The following ARHGAP6 variants were observed in gnomAD, a reference collection of about 807,000 sequenced individuals.
The protein encoded by ARHGAP6 is rho GTPase-activating protein 6.
In ARHGAP6, 16 loss-of-function variants were observed where a neutral mutation model predicts 55.7. That is an observed-to-expected ratio of 0.29 (90% CI 0.19 to 0.44). The LOEUF is 0.44. Among genes scored for constraint, ARHGAP6 ranks in the 20% least tolerant of loss-of-function variants. ARHGAP6 has a pLI of 1.00. For synonymous variants in ARHGAP6, 382 were observed against 360.9 expected (o/e 1.06, Z -0.66); for missense variants, 698 against 808.9 (o/e 0.86, Z 1.66).
intron 1 of ARHGAP6, among the ~76,000 whole-genome samples, chrX:11,533,604 T>C (rs2051074526): frequency 8.9e-6 from 1 of 112,603 alleles, no homozygotes; most frequent in Non-Finnish European, 1.9e-5. Flanking sequence ...TGTATCTTCC[T>C]ATCAAATTCC....
At chrX:11,613,585 C>T (rs868344344) in intron 1 of ARHGAP6, among the ~76,000 whole-genome samples, 1 of 112,063 alleles carries the variant, frequency 8.9e-6, no homozygotes, top group Non-Finnish European at 1.9e-5. Flanking sequence ...TCTGACAGAG[C>T]TTTTTAACAG....
chrX:11,564,392 T>C (rs940337220), intron 1 of ARHGAP6, among the ~76,000 whole-genome samples: 1 of 111,271 alleles, frequency 9.0e-6, no homozygotes, highest in East Asian at 2.8e-4. Flanking sequence ...TCAAAGTTAG[T>C]ACCTCAGTTT....
At chrX:11,521,397 C>G (rs1461884604) in intron 1 of ARHGAP6, among the ~76,000 whole-genome samples, 1 of 112,219 alleles carries the variant, frequency 8.9e-6, no homozygotes, top group African/African-American at 3.2e-5. Context: ...TTTCCCAGCA[C>G]CATTTGTTGA....
chrX:11,616,429 A>T (rs2052165222), intron 1 of ARHGAP6, among the ~76,000 whole-genome samples: 1 of 111,034 alleles, frequency 9.0e-6, no homozygotes, highest in African/African-American at 3.3e-5. Flanking sequence ...CAGTTCAAGC[A>T]ATTCTTCTGC....
chrX:11,615,648 A>G (rs1410333840), intron 1 of ARHGAP6, among the ~76,000 whole-genome samples: 1 of 112,363 alleles, frequency 8.9e-6, no homozygotes, highest in Non-Finnish European at 1.9e-5. Flanking sequence ...TAGTCCAATC[A>G]TTATAAATAG....
In ARHGAP6 at chrX:11,406,945, G is replaced by GA. The variant is rs2049617250; in HGVS notation, c.589-152239_589-152238insT. On this transcript the variant is annotated intron_variant, in intron 1 of 12. Transcript: ENST00000337414. ...CAGTGGAATAGACCATGCATGTCTA[G>GA]CATTGCTTGGCTTTCTTGGTTCATT... 2.7e-5 allele frequency among the ~76,000 whole-genome samples: 3 copies of GA among 110,070 alleles called. No homozygotes were observed. The South Asian group carries it at 1.2e-3, about 43-fold the overall frequency.
intron 1 of ARHGAP6, among the ~76,000 whole-genome samples, chrX:11,443,404 G>A (rs764158840): frequency 1.8e-4 from 20 of 111,926 alleles, no homozygotes; most frequent in Admixed American, 6.6e-4. Flanking sequence ...TCTGTTGGGC[G>A]TATACCTGAG....
chrX:11,629,417 T>C (rs1337307597), intron 1 of ARHGAP6, among the ~76,000 whole-genome samples: 1 of 111,509 alleles, frequency 9.0e-6, no homozygotes, highest in Non-Finnish European at 1.9e-5. Flanking sequence ...CATTTATGCA[T>C]TCATTCATTA....
At chrX:11,587,742 T>C (rs965640370) in intron 1 of ARHGAP6, among the ~76,000 whole-genome samples, 3 of 112,152 alleles carry the variant, frequency 2.7e-5, no homozygotes, top group Admixed American at 9.5e-5. Flanking sequence ...ACATATGCTG[T>C]TCAGGGGCTG....
chrX:11,531,425 C>T (rs773964353), intron 1 of ARHGAP6, among the ~76,000 whole-genome samples: 17 of 110,922 alleles, frequency 1.5e-4, no homozygotes, highest in Admixed American at 6.7e-4. Context: ...GGACTGGCTG[C>T]CCTCTCCTGG....
rs2050636004 is a variant in ARHGAP6, at chrX:11,497,559, T to TTCTCTCTCTGTC, written c.588+166681_588+166682insGACAGAGAGAGA. Among the ~76,000 whole-genome samples the TTCTCTCTCTGTC allele has an allele frequency of 9.7e-5, 4 of 41,144 alleles. No homozygotes were observed. In the South Asian group the frequency reaches 8.0e-3, roughly 82 times the overall value. The allele number at this position is 41,144 out of a possible 115,157, so 35.7% of individuals were successfully genotyped here. ...CTCCCACCCCCTTCCCCCTCCCTCC[T>TTCTCTCTCTGTC]TCTCTCTCTCTCTCTCTCTCTCTCT... On this transcript the variant is annotated intron_variant, in intron 1 of 12. Transcript: ENST00000337414.
intron 1 of ARHGAP6, among the ~76,000 whole-genome samples, chrX:11,414,593 A>T (rs2049726215): frequency 9.1e-6 from 1 of 110,438 alleles, no homozygotes; most frequent in South Asian, 3.9e-4. Context: ...TCAAGTTGAT[A>T]TAATAGAGGA....
chrX:11,292,138 C>T lies in ARHGAP6; in HGVS notation c.589-37431G>A, dbSNP rs769158903. Among the ~76,000 whole-genome samples the T allele has an allele frequency of 5.4e-5, 6 of 111,848 alleles. No individual in the cohort carries two copies. The East Asian group carries it at 1.1e-3, about 21-fold the overall frequency. On this transcript the variant is annotated intron_variant, in intron 1 of 12. Transcript: ENST00000337414. Reference sequence around the variant, plus strand: ...ACAGGCTAAGTAATTTGTATATATACGTATAAACATATGTATATATACAAA... The same window carrying T: ...ACAGGCTAAGTAATTTGTATATATATGTATAAACATATGTATATATACAAA...
At chrX:11,167,122 C>A (rs1439747581) in intron 9 of ARHGAP6, among the ~76,000 whole-genome samples, 1 of 112,026 alleles carries the variant, frequency 8.9e-6, no homozygotes, top group Non-Finnish European at 1.9e-5. Context: ...TTCATTAATT[C>A]AACCAATATT....
chrX:11,207,997 C>T lies in ARHGAP6; in HGVS notation c.749-11001G>A, dbSNP rs145764518. Among the ~76,000 whole-genome samples the T allele has an allele frequency of 3.3e-3, 366 of 111,280 alleles. 2 individuals carry two copies. Among genetic ancestry groups the T allele is most frequent in the African/African-American group, 0.012 (356 of 30,588 alleles). ...AATAGTCATCAATTCCCAATGTTAT[C>T]GATACATTAGAAAGGGGCTTTGATT... On this transcript the variant is annotated intron_variant, in intron 2 of 12. Coordinates refer to ENST00000337414, the MANE Select transcript of ARHGAP6 (RefSeq NM_013427.3).
intron 1 of ARHGAP6, among the ~76,000 whole-genome samples, chrX:11,586,855 G>A: frequency 9.0e-6 from 1 of 111,528 alleles, no homozygotes; most frequent in Non-Finnish European, 1.9e-5. Flanking sequence ...TTGGATCACT[G>A]GTTTATAGTT....
intron 1 of ARHGAP6, among the ~76,000 whole-genome samples, chrX:11,444,160 A>G (rs1250211874): frequency 8.9e-6 from 1 of 112,043 alleles, no homozygotes; most frequent in Non-Finnish European, 1.9e-5. Flanking sequence ...GGTCATATAT[A>G]CAGTCTGTGT....
chrX:11,630,626 T>C (rs1240011705), intron 1 of ARHGAP6, among the ~76,000 whole-genome samples: 1 of 111,690 alleles, frequency 9.0e-6, no homozygotes, highest in Non-Finnish European at 1.9e-5. Flanking sequence ...AAAGGATGGA[T>C]GGATGGATGG....
chrX:11,170,156 G>C (rs750008841), intron 8 of ARHGAP6, among the ~76,000 whole-genome samples: 2 of 110,928 alleles, frequency 1.8e-5, no homozygotes, highest in Non-Finnish European at 3.8e-5. Context: ...TATTTTAAAG[G>C]TCTCTCATTC....
Sources: allele counts gnomAD v4.1 joint callset (sites outside exome capture counted in the v4.1 genomes callset), GRCh38; gene constraint gnomAD v4.1.1; transcripts MANE v1.5; gene names NCBI Gene and HGNC (gene_info 2026-07-23, HGNC 2026-07-21).